ADAMTS18: variants seen among roughly 807,000 people sequenced by gnomAD.
ADAMTS18 encodes the protein A disintegrin and metalloproteinase with thrombospondin motifs 18.
ADAMTS18 carries 157 observed loss-of-function variants against 165.9 expected under a neutral mutation model. The observed-to-expected ratio is 0.95, with a 90% CI of 0.83 to 1.08. ADAMTS18 has a LOEUF of 1.08. Among genes scored for constraint, ADAMTS18 ranks in the 50% least tolerant of loss-of-function variants. The pLI, the probability that ADAMTS18 is intolerant of heterozygous loss-of-function variation, is 0.00. For synonymous variants in ADAMTS18, 782 were observed against 578.2 expected, an observed-to-expected ratio of 1.35 and a Z score of -5.06; for missense variants, 2,040 against 1,534.0, an observed-to-expected ratio of 1.33 and a Z score of -5.51.
At chr16:77,404,222 T>C (rs1347391750) in intron 3 of ADAMTS18, among the ~76,000 whole-genome samples, 2 of 152,148 alleles carry the variant, frequency 1.3e-5, no homozygotes, top group Admixed American at 6.5e-5. Flanking sequence ...TGAACTGACT[T>C]CTGCATTTCT....
chr16:77,352,967 C>T (rs567236589), intron 10 of ADAMTS18, among the ~76,000 whole-genome samples: 35 of 152,154 alleles, frequency 2.3e-4, no homozygotes, highest in Admixed American at 4.6e-4. Context: ...AGCATGGTGG[C>T]TACTCAGGAG....
intron 11 of ADAMTS18, among the ~76,000 whole-genome samples, chr16:77,337,731 C>G (rs60448582): frequency 0.021 from 3,171 of 152,118 alleles, 112 homozygotes; most frequent in African/African-American, 0.073. Flanking sequence ...TCTAGTATTA[C>G]GTTAGGCTGC....
At chr16:77,372,170 A>G (rs916939165) in intron 3 of ADAMTS18, among the ~76,000 whole-genome samples, 2 of 152,190 alleles carry the variant, frequency 1.3e-5, no homozygotes, top group Admixed American at 1.3e-4. Flanking sequence ...TGTGGGCAGG[A>G]ATGTAAATTA....
At chr16:77,396,073 C>T (rs1038585861) in intron 3 of ADAMTS18, among the ~76,000 whole-genome samples, 1 of 152,110 alleles carries the variant, frequency 6.6e-6, no homozygotes, top group Non-Finnish European at 1.5e-5. Flanking sequence ...AGAAGTTTAG[C>T]AACATGCCAA....
intron 12 of ADAMTS18, among the ~76,000 whole-genome samples, chr16:77,333,906 T>A (rs74208554): frequency 2.8e-5 from 4 of 145,358 alleles, no homozygotes; most frequent in Non-Finnish European, 4.5e-5. Context: ...GTATAATATA[T>A]AGTGTCCTAT....
intron 8 of ADAMTS18, among the ~76,000 whole-genome samples, chr16:77,356,715 C>T (rs1278032308): frequency 6.6e-6 from 1 of 152,040 alleles, no homozygotes; most frequent in African/African-American, 2.4e-5. Flanking sequence ...TATGAGAAAA[C>T]TTTAATTTGT....
intron 16 of ADAMTS18, among the ~76,000 whole-genome samples, chr16:77,312,934 C>G (rs1453729038): frequency 6.6e-6 from 1 of 152,088 alleles, no homozygotes; most frequent in Non-Finnish European, 1.5e-5. Context: ...CCCCGCAATC[C>G]CATTACTGGG....
intron 12 of ADAMTS18, among the ~76,000 whole-genome samples, chr16:77,330,650 T>C (rs2056173122): frequency 6.6e-6 from 1 of 152,202 alleles, no homozygotes; most frequent in Non-Finnish European, 1.5e-5. Context: ...GTTAAAACTA[T>C]TTACCACTTA....
intron 12 of ADAMTS18, among the ~76,000 whole-genome samples, chr16:77,334,401 T>A (rs1449732537): frequency 8.9e-6 from 1 of 112,646 alleles, no homozygotes; most frequent in Non-Finnish European, 1.6e-5. Context: ...ATATACTGTA[T>A]ATTATAGTAT....
At chr16:77,388,724 G>C (rs2057143934) in intron 3 of ADAMTS18, among the ~76,000 whole-genome samples, 1 of 152,124 alleles carries the variant, frequency 6.6e-6, no homozygotes, top group African/African-American at 2.4e-5. Context: ...AAAATACTGG[G>C]TTTCTTGATT....
At chr16:77,425,739 T>G (rs2057663192) in intron 3 of ADAMTS18, among the ~76,000 whole-genome samples, 1 of 151,998 alleles carries the variant, frequency 6.6e-6, no homozygotes. Context: ...GATGGAAGTG[T>G]GGTTCAAAAA....
At chr16:77,317,530 C>T (rs547514396) in intron 16 of ADAMTS18, among the ~76,000 whole-genome samples, 15 of 152,292 alleles carry the variant, frequency 9.8e-5, no homozygotes, top group Non-Finnish European at 1.5e-4. Flanking sequence ...GATGGGGTTC[C>T]GCCACGTTGG....
chr16:77,380,501 A>G (rs758636499), intron 3 of ADAMTS18, among the ~76,000 whole-genome samples: 16 of 152,222 alleles, frequency 1.1e-4, no homozygotes, highest in Non-Finnish European at 2.2e-4. Flanking sequence ...GCCTGTGCCC[A>G]TTCTCAAAAG....
At chr16:77,368,353 C>T (rs1404337660) in intron 3 of ADAMTS18, among the ~76,000 whole-genome samples, 1 of 152,110 alleles carries the variant, frequency 6.6e-6, no homozygotes, top group Non-Finnish European at 1.5e-5. Flanking sequence ...CTGGCAGATG[C>T]CATGTTCACC....
chr16:77,297,358 G>C lies in ADAMTS18; in HGVS notation c.2732C>G (p.Ser911Ter). The C allele has an allele frequency of 1.2e-6, 2 of 1,613,976 alleles. No individual in the cohort carries two copies. Among genetic ancestry groups the C allele is most frequent in the Non-Finnish European group, 1.7e-6 (2 of 1,179,844 alleles). ...TGGCTTGGTTTTTGCACTGCAGAAT[G>C]AGGAATTGACTTGAGTATTTTGATC... ...LRDQNTQVNS[S>*]FCSAKTKPVT... The change falls in exon 18 of 23, where the codon TCA becomes TGA. Residue 911 changes from serine (S) to a stop codon, truncating the protein, a stop_gained. Coordinates refer to ENST00000282849, the MANE Select transcript of ADAMTS18 (RefSeq NM_199355.4). LOFTEE classifies it high-confidence loss of function.
intron 3 of ADAMTS18, among the ~76,000 whole-genome samples, chr16:77,376,809 C>CTTTTTTTTT (rs549942617): frequency 2.9e-5 from 3 of 103,486 alleles, no homozygotes; most frequent in African/African-American, 1.1e-4. Context: ...CTAAATCATT[C>CTTTTTTTTT]TTTTTTTTTT....
At chr16:77,334,101 A>AATATACAGTGTTATATATTATATATG in intron 12 of ADAMTS18, among the ~76,000 whole-genome samples, 2 of 98,242 alleles carry the variant, frequency 2.0e-5, no homozygotes, top group African/African-American at 7.4e-5. Flanking sequence ...TATTATATAT[A>AATATACAGTGTTATATATTATATATG]ATATATAGTG....
intron 3 of ADAMTS18, among the ~76,000 whole-genome samples, chr16:77,385,440 G>A (rs974553727): frequency 7.9e-5 from 12 of 152,272 alleles, no homozygotes; most frequent in East Asian, 3.9e-4. Context: ...TACCACATTT[G>A]CAAGACAGGG....
intron 18 of ADAMTS18, among the ~76,000 whole-genome samples, chr16:77,296,288 C>T (rs920529272): frequency 6.6e-6 from 1 of 152,170 alleles, no homozygotes. Flanking sequence ...AACAAACTCA[C>T]TGAGCCCCTC....
Sources: gnomAD v4.1 joint callset for allele counts (sites outside exome capture counted in the v4.1 genomes callset) on GRCh38, gnomAD v4.1.1 for gene constraint, MANE v1.5 for transcripts, NCBI Gene and HGNC (gene_info 2026-07-23, HGNC 2026-07-21) for gene names.